MYH11: variants seen among roughly 807,000 people sequenced by gnomAD.
MYH11 encodes the protein myosin-11.
MYH11 carries 80 observed loss-of-function variants against 246.6 expected under a neutral mutation model. The ratio of observed to expected loss-of-function variants is 0.32; its 90% CI spans 0.27 to 0.39. MYH11 has a LOEUF of 0.39. Ranked by LOEUF, MYH11 falls within the 10% of genes least tolerant of loss-of-function variation. The pLI, the probability that MYH11 is intolerant of heterozygous loss-of-function variation, is 1.00. For synonymous variants in MYH11, 1,071 were observed against 1,015.5 expected, an observed-to-expected ratio of 1.05 and a Z score of -1.04; for missense variants, 2,158 against 2,546.8, an observed-to-expected ratio of 0.85 and a Z score of 3.29.
At chr16:15,833,630 C>CTA (rs2043813095) in intron 2 of MYH11, among the ~76,000 whole-genome samples, 1 of 152,176 alleles carries the variant, frequency 6.6e-6, no homozygotes, top group African/African-American at 2.4e-5. Context: ...ATAGACTCTT[C>CTA]TAGATCCAAG....
At position 15,732,572 on chromosome 16, in the gene MYH11, A is replaced by G. The variant is rs2040997688; in HGVS notation, c.3643T>C (p.Phe1215Leu). ...VEELTEQLEQFKRAKANLDKN... is the reference protein window; with the variant it reads ...VEELTEQLEQLKRAKANLDKN... ...TCACCAAAAAGCATTACCCTCTTGA[A>G]CTGCTCAAGCTGCTCTGTGAGCTCC... Residue 1215 changes from phenylalanine to leucine, a missense_variant, in exon 27 of 41, where the codon TTC (phenylalanine) becomes CTC (leucine). Physicochemically the swap from Phe to Leu is conservative, Grantham distance 22. Coordinates refer to ENST00000300036, the MANE Select transcript of MYH11 (RefSeq NM_002474.3). 6.2e-7 allele frequency: 1 copy of G among 1,614,192 alleles called. No individual in the cohort carries two copies. The highest frequency in any genetic ancestry group is 1.3e-5 in the African/African-American group (1 of 75,046).
At chr16:15,739,865 C>T (rs1377082737) in intron 23 of MYH11, among the ~76,000 whole-genome samples, 186 bp downstream of exon 23, 1 of 152,162 alleles carries the variant, frequency 6.6e-6, no homozygotes, top group Non-Finnish European at 1.5e-5. Flanking sequence ...CCTCAGCCTC[C>T]CAAGTGGCTG....
chr16:15,705,215 C>T (rs192087904), intron 40 of MYH11, among the ~76,000 whole-genome samples: 105 of 152,348 alleles, frequency 6.9e-4, no homozygotes, highest in African/African-American at 2.5e-3. Context: ...CTCCTGGCCT[C>T]AAACGATCCA....
rs2041530225 is a variant in MYH11 at position 15,750,236 on chromosome 16, C to A, written c.1960G>T (p.Gly654Trp). ...KTKKGMFRTV[G>W]QLYKEQLGKL... ...CCCAGCTGCTCCTTGTACAGCTGCCCCACTGTGCGGAACATGCCCTTCTTG... is the reference window on the plus strand; with the variant it reads ...CCCAGCTGCTCCTTGTACAGCTGCCACACTGTGCGGAACATGCCCTTCTTG... The change falls in exon 16 of 41, where the codon GGG becomes TGG. Residue 654 changes from glycine to tryptophan, a missense_variant. This residue lies in a region of MYH11 where 317 missense variants were observed against 507.7 expected (regional missense o/e 0.62). Coordinates refer to ENST00000300036, the MANE Select transcript of MYH11 (RefSeq NM_002474.3). This position sits in a 1 kb window ranked among gnomAD's most constrained non-coding sequence, Gnocchi z 4.3. 1 of 1,614,204 alleles carries A rather than the reference C, an allele frequency of 6.2e-7. No homozygotes were observed. Among genetic ancestry groups the A allele is most frequent in the Non-Finnish European group, 8.5e-7 (1 of 1,180,026 alleles).
At chr16:15,722,411 G>C (rs2040534659) in intron 31 of MYH11, among the ~76,000 whole-genome samples, 1 of 152,194 alleles carries the variant, frequency 6.6e-6, no homozygotes, top group Non-Finnish European at 1.5e-5. Context: ...CTCATCTTCA[G>C]AGAGAACAGA....
chr16:15,741,270 G>C (rs1003743663), intron 22 of MYH11, 193 bp downstream of exon 22: 1 of 684,544 alleles, frequency 1.5e-6, no homozygotes, highest in African/African-American at 1.8e-5. Context: ...CAGGGCAATA[G>C]AACAGAGTGG....
chr16:15,808,271 G>C (rs2043060157), intron 3 of MYH11, among the ~76,000 whole-genome samples: 1 of 152,080 alleles, frequency 6.6e-6, no homozygotes, highest in African/African-American at 2.4e-5. Context: ...TGTTGAACTT[G>C]TCCTGTCCAT....
At chr16:15,740,477 G>A (rs984363022) in intron 22 of MYH11, among the ~76,000 whole-genome samples, 2 of 152,022 alleles carry the variant, frequency 1.3e-5, no homozygotes, top group African/African-American at 4.8e-5. Context: ...CAGGCATGGT[G>A]GTGGGCTCCT....
intron 3 of MYH11, among the ~76,000 whole-genome samples, chr16:15,821,439 G>A: frequency 6.6e-6 from 1 of 152,122 alleles, no homozygotes; most frequent in East Asian, 1.9e-4. Context: ...TTAAATATAT[G>A]TTTAAGTTTT....
In MYH11 at chr16:15,717,203, GACTTGA is replaced by G; in HGVS notation, c.5435_5440del (p.Phe1812_Lys1813del). 6.2e-7 allele frequency: 1 copy of G among 1,614,196 alleles called. No homozygotes were observed. Among genetic ancestry groups the G allele is most frequent in the Non-Finnish European group, 8.5e-7 (1 of 1,180,036 alleles). ...CTTGGCCTCCAGCGCCGCGATGGTG[GACTTGA>G]ACTTGGACTTGACGGCCCCCTCCAT... On this transcript the variant is annotated inframe_deletion, in exon 38 of 41. Coordinates refer to ENST00000300036, the MANE Select transcript of MYH11 (RefSeq NM_002474.3).
In MYH11 at chr16:15,757,816, G is replaced by T; in HGVS notation, c.1575+11C>A. 1 of 1,614,176 alleles carries T rather than the reference G, an allele frequency of 6.2e-7. No individual in the cohort carries two copies. Among genetic ancestry groups the T allele is most frequent in the Non-Finnish European group, 8.5e-7 (1 of 1,180,026 alleles). ...GTGTGACGGAGCCCCGCACGCCCAC[G>T]TGCCCCTCACCGGTCGCTCGATGAG... On this transcript the variant is annotated intron_variant, in intron 13 of 40. Coordinates refer to ENST00000300036, the MANE Select transcript of MYH11 (RefSeq NM_002474.3).
chr16:15,797,868 AT>A (rs1444625963), intron 4 of MYH11, among the ~76,000 whole-genome samples: 2 of 151,800 alleles, frequency 1.3e-5, no homozygotes, highest in Non-Finnish European at 2.9e-5. Flanking sequence ...CTTTTTTTGT[AT>A]TTTTGTGGCT....
At chr16:15,727,148 A>G in intron 27 of MYH11, 94 bp from the exon 28 acceptor site, 3 of 1,137,932 alleles carry the variant, frequency 2.6e-6, no homozygotes, top group Middle Eastern at 3.9e-4. Context: ...GAGGTCCAGG[A>G]AGGCACACAA....
In MYH11 at chr16:15,782,591, T is replaced by G. The variant is rs529420957; in HGVS notation, c.634-114A>C. 651 of 760,708 alleles carry G rather than the reference T, an allele frequency of 8.6e-4. 3 individuals carry two copies. Among genetic ancestry groups the G allele is most frequent in the South Asian group, 6.8e-3 (463 of 68,190 alleles). 47.1% of individuals were successfully genotyped at this position (760,708 alleles called of 1,614,324 possible). On this transcript the variant is annotated intron_variant, in intron 5 of 40. Coordinates refer to ENST00000300036, the MANE Select transcript of MYH11 (RefSeq NM_002474.3). ...CTTAACCCACAGGTTCTCTCCTATC[T>G]CCTACCTCCTCTTAGACCCTGATGC...
chr16:15,707,141 C>T lies in MYH11; in HGVS notation c.5787-3018G>A, dbSNP rs576975815. 2.6e-5 allele frequency among the ~76,000 whole-genome samples: 4 copies of T among 152,180 alleles called. No homozygotes were observed. The East Asian group carries it at 7.7e-4, about 29-fold the overall frequency. ...GCAGCCTCTGCCTCCCAGGTTCAAG[C>T]GATTCTCCTGCCTCAGCCTTCCAAG... On this transcript the variant is annotated intron_variant, in intron 40 of 40. Coordinates refer to ENST00000300036, the MANE Select transcript of MYH11 (RefSeq NM_002474.3).
chr16:15,725,614 G>T, intron 28 of MYH11: 2 of 404,676 alleles, frequency 4.9e-6, no homozygotes, highest in Non-Finnish European at 8.7e-6. Context: ...GGATATGAAT[G>T]ATCTTGACAC....
Position 15,737,386 on chromosome 16 carries a change from G to T in MYH11, c.3293+63C>A, listed in dbSNP as rs1342180301. 6 of 1,597,348 alleles carry T rather than the reference G, an allele frequency of 3.8e-6. No homozygotes were observed. The African/African-American group carries it at 4.0e-5, about 11-fold the overall frequency. On this transcript the variant is annotated intron_variant, in intron 25 of 40. Transcript: ENST00000300036. Reference sequence around the variant, plus strand: ...ACCAAGACAGCCACTGCGAATGAGCGAATGAGCAGGGGCCCAGGGGATACA... The same window carrying T: ...ACCAAGACAGCCACTGCGAATGAGCTAATGAGCAGGGGCCCAGGGGATACA...
intron 1 of MYH11, among the ~76,000 whole-genome samples, chr16:15,845,077 C>A (rs1424567234): frequency 6.6e-6 from 1 of 152,078 alleles, no homozygotes; most frequent in Non-Finnish European, 1.5e-5. Flanking sequence ...AGAATGCGTG[C>A]TTCTGGGTGA....
intron 1 of MYH11, among the ~76,000 whole-genome samples, chr16:15,844,323 G>A (rs548916160): frequency 7.2e-5 from 11 of 152,186 alleles, no homozygotes; most frequent in African/African-American, 1.9e-4. Context: ...TCAGCCTCCC[G>A]AGGAGCTAGG....
Sources: gnomAD v4.1 joint callset for allele counts (sites outside exome capture counted in the v4.1 genomes callset) on GRCh38, gnomAD v4.1.1 for gene constraint, gnomAD v4.1.1 regional missense constraint, Gnocchi (gnomAD v3.1) non-coding constraint, MANE v1.5 for transcripts, NCBI Gene and HGNC (gene_info 2026-07-23, HGNC 2026-07-21) for gene names.